Variants in FAXC observed in about 807,000 individuals in gnomAD.
FAXC encodes failed axon connections homolog, metaxin like GST domain containing.
In FAXC, 10 loss-of-function variants were observed where a neutral mutation model predicts 41.9. The observed-to-expected ratio is 0.24, with a 90% CI of 0.15 to 0.41. The LOEUF (loss-of-function observed/expected upper bound fraction) is 0.41. FAXC is among the 10% of genes least tolerant of loss of function. The pLI, the probability that FAXC is intolerant of heterozygous loss-of-function variation, is 1.00. For missense variants in FAXC, 399 were observed against 510.9 expected (o/e 0.78, Z 2.11); for synonymous variants, 183 against 183.8 (o/e 1.00, Z 0.03).
chr6:99,331,195 A>C (rs907840792), intron 3 of FAXC, among the ~76,000 whole-genome samples: 2 of 152,220 alleles, frequency 1.3e-5, no homozygotes, highest in African/African-American at 4.8e-5. Flanking sequence ...TTGAGAAGAC[A>C]TAAGCAAGAA....
At chr6:99,313,491 T>A (rs1200127429) in intron 4 of FAXC, among the ~76,000 whole-genome samples, 1 of 152,224 alleles carries the variant, frequency 6.6e-6, no homozygotes, top group Non-Finnish European at 1.5e-5. Flanking sequence ...TTTTCCAGCT[T>A]ACCCTTTCAA....
At chr6:99,300,199 A>G (rs182118782) in intron 4 of FAXC, among the ~76,000 whole-genome samples, 4 of 152,310 alleles carry the variant, frequency 2.6e-5, no homozygotes, top group Non-Finnish European at 5.9e-5. Context: ...GACTCTAAGC[A>G]AAGGGTTGTG....
chr6:99,303,514 G>T (rs559870490), intron 4 of FAXC, among the ~76,000 whole-genome samples: 1 of 152,300 alleles, frequency 6.6e-6, no homozygotes, highest in African/African-American at 2.4e-5. Flanking sequence ...AAGTATTCTG[G>T]CCTGTCCCAT....
At position 99,333,631 on chromosome 6, in the gene FAXC, C is replaced by T. The variant is rs1180145519; in HGVS notation, c.403-84G>A. On this transcript the variant is annotated intron_variant, in intron 2 of 5. Transcript: ENST00000389677. ...TGATTAATAGAAACAAACATTCCAA[C>T]CTTATGTTTGATAGTGACAGTACTA... 3 of 1,188,720 alleles carry T rather than the reference C, an allele frequency of 2.5e-6. No homozygotes were observed. The African/African-American group carries it at 4.6e-5, about 18-fold the overall frequency. 73.6% of individuals were successfully genotyped at this position (1,188,720 alleles called of 1,614,324 possible).
intron 2 of FAXC, 99 bp from the exon 3 acceptor site, chr6:99,333,646 T>C: frequency 9.9e-7 from 1 of 1,011,772 alleles, no homozygotes; most frequent in African/African-American, 1.6e-5. Flanking sequence ...TGTTTGATAG[T>C]GACAGTACTA....
In FAXC at chr6:99,278,672, G is replaced by A. The variant is rs1770714892; in HGVS notation, c.*2492C>T. On this transcript the variant is annotated 3_prime_UTR_variant, in exon 6 of 6. Transcript: ENST00000389677. ...AACCCGCCTTGGGAAAGTAAAGCAG[G>A]GGCATATTCTAGGGCTCTAAATCAA... is the stretch of plus-strand genomic sequence containing the variant. 3 of 152,106 alleles carry A rather than the reference G, an allele frequency of 2.0e-5. No individual in the cohort carries two copies. The highest frequency in any genetic ancestry group is 4.2e-4 in the South Asian group (2 of 4,818). The allele number at this position is 152,106 out of a possible 1,614,324, so 9.4% of individuals were successfully genotyped here.
intron 4 of FAXC, among the ~76,000 whole-genome samples, chr6:99,316,829 T>G (rs1414342682): frequency 6.6e-6 from 1 of 152,244 alleles, no homozygotes; most frequent in East Asian, 1.9e-4. Flanking sequence ...GTTGCTTGAT[T>G]GTTTTATTCT....
intron 5 of FAXC, among the ~76,000 whole-genome samples, chr6:99,291,464 C>T (rs1771238099): frequency 6.6e-6 from 1 of 152,192 alleles, no homozygotes. Context: ...CATCGCAGGA[C>T]CTATGTCAGC....
At chr6:99,349,884 T>G (rs542739705), upstream of FAXC, 1 of 151,968 alleles carries the variant, frequency 6.6e-6, no homozygotes, top group Admixed American at 6.6e-5. Context: ...CGGAGGTGCC[T>G]GGAAATGCGG....
chr6:99,293,303 T>G (rs1194833590), intron 4 of FAXC, among the ~76,000 whole-genome samples: 1 of 152,158 alleles, frequency 6.6e-6, no homozygotes, highest in Non-Finnish European at 1.5e-5. Context: ...CCCAGCACAA[T>G]TTATGCCTCC....
upstream of FAXC, among the ~76,000 whole-genome samples, chr6:99,349,832 C>A (rs1250320646): frequency 6.6e-6 from 1 of 152,006 alleles, no homozygotes; most frequent in Non-Finnish European, 1.5e-5. Context: ...CGCCTCCGGG[C>A]GGCACGCCCA....
intron 5 of FAXC, among the ~76,000 whole-genome samples, chr6:99,287,335 A>G (rs2128448207): frequency 6.6e-6 from 1 of 152,214 alleles, no homozygotes; most frequent in Non-Finnish European, 1.5e-5. Flanking sequence ...AATATCAGCA[A>G]TTGTTCTCTG....
chr6:99,340,048 T>C (rs918086151), intron 2 of FAXC, among the ~76,000 whole-genome samples: 17 of 152,242 alleles, frequency 1.1e-4, no homozygotes, highest in Admixed American at 9.8e-4. Context: ...TAAGATTAAA[T>C]ACAAATTCTA....
At position 99,349,546 on chromosome 6, in the gene FAXC, AAG is replaced by A. The variant is rs2128467301; in HGVS notation, c.-176_-175del. On this transcript the variant is annotated 5_prime_UTR_variant, in exon 1 of 6. Coordinates refer to ENST00000389677, the MANE Select transcript of FAXC (RefSeq NM_032511.4). ...GCGGCGGCAGAGGAGGAGGAGGAGG[AAG>A]GGCACTGGCCGCGGACGGCGGGCCT... 20 of 296,352 alleles carry A rather than the reference AAG, an allele frequency of 6.7e-5. No individual in the cohort carries two copies. Among genetic ancestry groups the A allele is most frequent in the Non-Finnish European group, 9.0e-5 (18 of 200,216 alleles). 18.4% of individuals were successfully genotyped at this position (296,352 alleles called of 1,614,324 possible). A position where few individuals can be genotyped will look rare whatever the true frequency, so the allele number is the denominator to read the frequency against.
chr6:99,277,351 G>A lies in FAXC; in HGVS notation c.*3813C>T, dbSNP rs1176520707. ...CAAGTACGTAAAAGAGGCTAGAGAAGTCTAGGCAAAAGAGGATGCCCTGAA... is the reference window on the plus strand; with the variant it reads ...CAAGTACGTAAAAGAGGCTAGAGAAATCTAGGCAAAAGAGGATGCCCTGAA... On this transcript the variant is annotated 3_prime_UTR_variant, in exon 6 of 6. Coordinates refer to ENST00000389677, the MANE Select transcript of FAXC (RefSeq NM_032511.4). 2.6e-5 allele frequency: 4 copies of A among 152,300 alleles called. No individual in the cohort carries two copies. The highest frequency in any genetic ancestry group is 5.9e-5 in the Non-Finnish European group (4 of 68,126). The allele number at this position is 152,300 out of a possible 1,614,324, so 9.4% of individuals were successfully genotyped here. A position where few individuals can be genotyped will look rare whatever the true frequency, so the allele number is the denominator to read the frequency against.
At chr6:99,284,529 T>A (rs530574360) in intron 5 of FAXC, among the ~76,000 whole-genome samples, 8 of 150,624 alleles carry the variant, frequency 5.3e-5, no homozygotes, top group African/African-American at 2.0e-4. Flanking sequence ...ACAGAAAAAG[T>A]TGGCAGCAGA....
chr6:99,314,659 T>C (rs1219365440), intron 4 of FAXC, among the ~76,000 whole-genome samples: 1 of 152,210 alleles, frequency 6.6e-6, no homozygotes, highest in Admixed American at 6.5e-5. Flanking sequence ...TGGTTTCCAC[T>C]GCTCTTGGGA....
chr6:99,284,667 C>G lies in FAXC; in HGVS notation c.941-3214G>C, dbSNP rs191871630. Reference sequence around the variant, plus strand: ...CTGGCTCATGCCTGTAATCTCAGCACTCTGGAAGGCTGAAGTGGGCGGATC... The same window carrying G: ...CTGGCTCATGCCTGTAATCTCAGCAGTCTGGAAGGCTGAAGTGGGCGGATC... On this transcript the variant is annotated intron_variant, in intron 5 of 5. Coordinates refer to ENST00000389677, the MANE Select transcript of FAXC (RefSeq NM_032511.4). 2.3e-3 allele frequency among the ~76,000 whole-genome samples: 354 copies of G among 151,918 alleles called. 2 individuals are homozygous for G. Among genetic ancestry groups the G allele is most frequent in the African/African-American group, 8.2e-3 (338 of 41,402 alleles).
At chr6:99,312,876 A>G (rs920541702) in intron 4 of FAXC, among the ~76,000 whole-genome samples, 1 of 152,222 alleles carries the variant, frequency 6.6e-6, no homozygotes, top group Non-Finnish European at 1.5e-5. Flanking sequence ...AGAATATGTC[A>G]ATGCCTCTCC....
Sources: allele counts gnomAD v4.1 joint callset (sites outside exome capture counted in the v4.1 genomes callset), GRCh38; gene constraint gnomAD v4.1.1; transcripts MANE v1.5; gene names NCBI Gene and HGNC (gene_info 2026-07-23, HGNC 2026-07-21).